Variants in GRIK3 observed in about 807,000 individuals in gnomAD.
GRIK3 encodes glutamate receptor ionotropic, kainate 3.
A neutral mutation model predicts 102.5 loss-of-function variants in GRIK3; 29 were observed. The ratio of observed to expected loss-of-function variants is 0.28; its 90% CI spans 0.21 to 0.39. The LOEUF (loss-of-function observed/expected upper bound fraction) is 0.39. Ranked by LOEUF, GRIK3 falls within the 10% of genes least tolerant of loss-of-function variation. The pLI is 1.00. For synonymous variants in GRIK3, 511 were observed against 504.9 expected, an observed-to-expected ratio of 1.01 and a Z score of -0.16; for missense variants, 908 against 1,252.4, an observed-to-expected ratio of 0.73 and a Z score of 4.15.
In GRIK3 at chr1:36,859,887, G is replaced by A. The variant is rs1240717756; in HGVS notation, c.917C>T (p.Ala306Val). 1 of 1,614,008 alleles carries A rather than the reference G, an allele frequency of 6.2e-7. No homozygotes were observed. The highest frequency in any genetic ancestry group is 8.5e-7 in the Non-Finnish European group (1 of 1,179,894). ...CAGGCCAGACTCGGACCGGGGAGCTGCCTGCAGCCGCTCCATGGACCACTT... is the reference window on the plus strand; with the variant it reads ...CAGGCCAGACTCGGACCGGGGAGCTACCTGCAGCCGCTCCATGGACCACTT... ...VEKWSMERLQ[A>V]APRSESGLLD... Residue 306 changes from alanine to valine, a missense_variant, in exon 6 of 16, where the codon GCA becomes GTA. By Grantham distance (64) the Ala-to-Val change is moderately conservative. This residue lies in a region of GRIK3 where 585 missense variants were observed against 824.9 expected (regional missense o/e 0.71). Transcript: ENST00000373091.
intron 5 of GRIK3, 31 bp from the exon 6 acceptor site, chr1:36,860,048 G>A: frequency 6.6e-7 from 1 of 1,516,716 alleles, no homozygotes; most frequent in Non-Finnish European, 8.9e-7. Flanking sequence ...GTAAACCAAG[G>A]CATGCTCACT....
chr1:36,849,999 A>C, intron 9 of GRIK3: 1 of 283,666 alleles, frequency 3.5e-6, no homozygotes, highest in Non-Finnish European at 6.7e-6. Context: ...GGAGAGGCGA[A>C]TCCTCACTCA....
chr1:37,013,256 C>G (rs1302225004), intron 1 of GRIK3, among the ~76,000 whole-genome samples: 1 of 152,188 alleles, frequency 6.6e-6, no homozygotes, highest in Admixed American at 6.5e-5. Context: ...GGTTCCCTCC[C>G]ACAACATGTA....
chr1:36,848,431 T>C (rs1477782783), intron 9 of GRIK3, among the ~76,000 whole-genome samples: 1 of 152,224 alleles, frequency 6.6e-6, no homozygotes, highest in Non-Finnish European at 1.5e-5. Context: ...CTTTTAATCT[T>C]TTAGCACCTT....
rs1232119335 is a variant in GRIK3 at position 36,799,427 on chromosome 1, T to G, written c.*2424A>C. 6.6e-6 allele frequency: 1 copy of G among 152,528 alleles called. No individual in the cohort carries two copies. Among genetic ancestry groups the G allele is most frequent in the Non-Finnish European group, 1.5e-5 (1 of 68,288 alleles). The allele number at this position is 152,528 out of a possible 1,614,324, so 9.4% of individuals were successfully genotyped here. A position where few individuals can be genotyped will look rare whatever the true frequency, so the allele number is the denominator to read the frequency against. ...CTTGTCTACAGCATGCATTGACCCA[T>G]GTCACACGACTCTCTGGTCCTGGCC... On this transcript the variant is annotated 3_prime_UTR_variant, in exon 16 of 16. Transcript: ENST00000373091.
intron 11 of GRIK3, 149 bp from the exon 12 acceptor site, chr1:36,820,003 C>T: frequency 1.7e-6 from 1 of 598,194 alleles, no homozygotes; most frequent in South Asian, 2.1e-5. Flanking sequence ...GGAATTTCTT[C>T]TTGTTCTTTA....
At chr1:36,965,796 C>CA (rs1642072125) in intron 1 of GRIK3, among the ~76,000 whole-genome samples, 1 of 152,088 alleles carries the variant, frequency 6.6e-6, no homozygotes, top group South Asian at 2.1e-4. Flanking sequence ...GTAATTTAAG[C>CA]AAAAATACTA....
chr1:36,937,624 A>G (rs1178763700), intron 1 of GRIK3, among the ~76,000 whole-genome samples: 1 of 152,168 alleles, frequency 6.6e-6, no homozygotes, highest in Non-Finnish European at 1.5e-5. Context: ...AGCAGAGGTG[A>G]CTAAGGTTTA....
intron 8 of GRIK3, among the ~76,000 whole-genome samples, chr1:36,851,354 G>A (rs1320048585): frequency 6.6e-6 from 1 of 152,274 alleles, no homozygotes; most frequent in African/African-American, 2.4e-5. Context: ...ATGAGAGGCA[G>A]AGTAGCTGTG....
chr1:36,958,793 T>C (rs1641959750), intron 1 of GRIK3, among the ~76,000 whole-genome samples: 1 of 110,524 alleles, frequency 9.0e-6, no homozygotes, highest in African/African-American at 3.1e-5. Context: ...GTGTGCCCAA[T>C]GAGCCTGTGT....
chr1:36,835,951 G>A (rs904695257), intron 10 of GRIK3, among the ~76,000 whole-genome samples: 2 of 152,080 alleles, frequency 1.3e-5, no homozygotes, highest in Admixed American at 1.3e-4. Context: ...ACAGACCCTG[G>A]AGACATCCCG....
At chr1:36,900,377 T>C (rs1266033167) in intron 1 of GRIK3, among the ~76,000 whole-genome samples, 4 of 152,152 alleles carry the variant, frequency 2.6e-5, no homozygotes, top group Non-Finnish European at 4.4e-5. Context: ...TCTGCTCAAG[T>C]GATCCTCCCA....
chr1:36,995,135 G>A (rs1642406766), intron 1 of GRIK3, among the ~76,000 whole-genome samples: 1 of 152,184 alleles, frequency 6.6e-6, no homozygotes, highest in Non-Finnish European at 1.5e-5. Context: ...CCTTGCAAAT[G>A]TTGCTGCTGT....
intron 1 of GRIK3, among the ~76,000 whole-genome samples, chr1:36,947,456 G>C (rs905624172): frequency 9.9e-5 from 15 of 152,092 alleles, no homozygotes; most frequent in Non-Finnish European, 1.8e-4. Flanking sequence ...TTCAGAGCCT[G>C]GCCACTGCTA....
chr1:36,968,265 GTC>G (rs1426049952), intron 1 of GRIK3, among the ~76,000 whole-genome samples: 1 of 121,050 alleles, frequency 8.3e-6, no homozygotes, highest in East Asian at 2.4e-4. Flanking sequence ...GTGTGTGTGT[GTC>G]TTCTTTGTTT....
intron 13 of GRIK3, among the ~76,000 whole-genome samples, chr1:36,808,530 G>C (rs141995788): frequency 0.01 from 1,567 of 152,310 alleles, 29 homozygotes; most frequent in African/African-American, 0.035. Flanking sequence ...AAGAAACAGA[G>C]GGCAGCCTCT....
At chr1:36,937,848 G>A (rs1641676740) in intron 1 of GRIK3, among the ~76,000 whole-genome samples, 1 of 152,216 alleles carries the variant, frequency 6.6e-6, no homozygotes, top group Non-Finnish European at 1.5e-5. Context: ...CCCTTATGTA[G>A]TCAACCTGGA....
intron 1 of GRIK3, among the ~76,000 whole-genome samples, chr1:36,935,745 G>A (rs995284744): frequency 6.6e-6 from 1 of 152,138 alleles, no homozygotes; most frequent in Non-Finnish European, 1.5e-5. Context: ...AACTAACTGC[G>A]AGTCAGGAAA....
intron 3 of GRIK3, among the ~76,000 whole-genome samples, chr1:36,874,564 G>T (rs1640891440): frequency 6.6e-6 from 1 of 152,172 alleles, no homozygotes; most frequent in Non-Finnish European, 1.5e-5. Context: ...GCTATCACAA[G>T]ACACACACAC....
Sources: gnomAD v4.1 joint callset for allele counts (sites outside exome capture counted in the v4.1 genomes callset) on GRCh38, gnomAD v4.1.1 for gene constraint, gnomAD v4.1.1 regional missense constraint, MANE v1.5 for transcripts, NCBI Gene and HGNC (gene_info 2026-07-23, HGNC 2026-07-21) for gene names.